The following AXDND1 variants were observed in gnomAD, a reference collection of about 807,000 sequenced individuals.
The protein encoded by AXDND1 is axonemal dynein light chain domain-containing protein 1.
Under a neutral mutation model 137.5 loss-of-function variants are expected in AXDND1, and 110 were observed. The ratio of observed to expected loss-of-function variants is 0.80; its 90% CI spans 0.69 to 0.94. The LOEUF is 0.94. Ranked by LOEUF, AXDND1 falls within the 40% of genes least tolerant of loss-of-function variation. AXDND1 has a pLI of 0.00. For synonymous variants in AXDND1, 414 were observed against 399.7 expected (o/e 1.04, Z -0.43); for missense variants, 1,191 against 1,169.8 (o/e 1.02, Z -0.26).
At chr1:179,502,808 C>T (rs967053366) in intron 20 of AXDND1, among the ~76,000 whole-genome samples, 8 of 151,194 alleles carry the variant, frequency 5.3e-5, no homozygotes, top group Middle Eastern at 3.4e-3. Context: ...TACATAAGAA[C>T]ATTCTGGCCA....
intron 14 of AXDND1, among the ~76,000 whole-genome samples, chr1:179,431,141 T>C (rs1379083747): frequency 6.6e-6 from 1 of 152,048 alleles, no homozygotes; most frequent in East Asian, 1.9e-4. Flanking sequence ...TTTTTTTAAA[T>C]TTAATTTTAT....
intron 16 of AXDND1, among the ~76,000 whole-genome samples, chr1:179,461,803 C>T (rs1481231576): frequency 3.3e-5 from 5 of 152,128 alleles, no homozygotes; most frequent in Admixed American, 2.6e-4. Flanking sequence ...ACTTTATTCT[C>T]TTTGAAGCAA....
chr1:179,430,678 T>C, intron 14 of AXDND1, 72 bp downstream of exon 14: 1 of 1,476,536 alleles, frequency 6.8e-7, no homozygotes, highest in Non-Finnish European at 9.2e-7. Context: ...TCTGTGTTCC[T>C]CCTTCTGTCT....
At chr1:179,504,849 C>T (rs921822852) in intron 20 of AXDND1, among the ~76,000 whole-genome samples, 2 of 152,148 alleles carry the variant, frequency 1.3e-5, no homozygotes, top group Non-Finnish European at 2.9e-5. Flanking sequence ...AATCTGCTCT[C>T]ACACCAGAGG....
intron 25 of AXDND1, chr1:179,552,758 C>T: frequency 9.1e-7 from 1 of 1,093,958 alleles, no homozygotes; most frequent in Non-Finnish European, 1.4e-6. Flanking sequence ...GACTTGCAAG[C>T]CTCTCTACTG....
intron 21 of AXDND1, among the ~76,000 whole-genome samples, chr1:179,517,718 A>C (rs1003801029): frequency 2.0e-5 from 3 of 152,202 alleles, no homozygotes; most frequent in Non-Finnish European, 2.9e-5. Flanking sequence ...CCAGACCTTC[A>C]GTTTCCCCAG....
chr1:179,398,692 T>C (rs946884702), intron 11 of AXDND1, among the ~76,000 whole-genome samples: 12 of 152,154 alleles, frequency 7.9e-5, no homozygotes, highest in African/African-American at 2.9e-4. Flanking sequence ...GTGCATTCTC[T>C]GTGAGCTGCA....
rs764132304 is a variant in AXDND1, at chr1:179,385,247, C to G, written c.751C>G (p.Leu251Val). The stretch of plus-strand genomic sequence containing the variant: ...ACTTACCTTCTGACAGATGCACAAA[C>G]TACTACATATATTGAAGAAGGAACA... ...EYTGPTKMHK[L>V]LHILKKEQTI... The change falls in exon 9 of 26, where the codon CTA (leucine) becomes GTA (valine). Residue 251 changes from leucine to valine, a missense_variant. Physicochemically the swap from Leu to Val is conservative, Grantham distance 32 (BLOSUM62 1). Coordinates refer to ENST00000367618, the MANE Select transcript of AXDND1 (RefSeq NM_144696.6). The G allele has an allele frequency of 6.8e-6, 11 of 1,609,530 alleles. No homozygotes were observed. In the Admixed American group the frequency reaches 1.0e-4, roughly 15 times the overall value.
rs1348616552 is a variant in AXDND1 at position 179,442,708 on chromosome 1, C to T, written c.1564-2262C>T. ...AGGGCACTGACCTTACATCCGCTGCCGGCAGACTCATCCCGGGGTCACTGT... is the reference window on the plus strand; with the variant it reads ...AGGGCACTGACCTTACATCCGCTGCTGGCAGACTCATCCCGGGGTCACTGT... On this transcript the variant is annotated intron_variant, in intron 15 of 25. Transcript: ENST00000367618. Among the ~76,000 whole-genome samples, 6 of 152,228 alleles carry T rather than the reference C, an allele frequency of 3.9e-5. No individual in the cohort carries two copies. In the East Asian group the frequency reaches 5.8e-4, roughly 15 times the overall value.
intron 20 of AXDND1, among the ~76,000 whole-genome samples, chr1:179,501,766 A>G (rs1488637747): frequency 1.3e-5 from 2 of 152,134 alleles, no homozygotes; most frequent in Non-Finnish European, 2.9e-5. Context: ...AATATTGGCT[A>G]TCTATATAGG....
intron 16 of AXDND1, among the ~76,000 whole-genome samples, chr1:179,466,288 T>TTTTC (rs1170550166): frequency 1.4e-5 from 2 of 141,764 alleles, no homozygotes; most frequent in East Asian, 4.0e-4. Context: ...TCTTCTTCTT[T>TTTTC]TTTTTTTTTT....
At chr1:179,414,082 A>G (rs999450213) in intron 12 of AXDND1, among the ~76,000 whole-genome samples, 1 of 152,118 alleles carries the variant, frequency 6.6e-6, no homozygotes, top group Admixed American at 6.6e-5. Context: ...TAAATATACA[A>G]TTTTTTAACA....
intron 16 of AXDND1, chr1:179,447,649 G>C (rs975002458): frequency 3.0e-6 from 4 of 1,322,556 alleles, no homozygotes; most frequent in African/African-American, 2.9e-5. Context: ...TCGAAGATCT[G>C]GTTTTCCACT....
intron 9 of AXDND1, among the ~76,000 whole-genome samples, chr1:179,387,585 T>G (rs993968582): frequency 6.6e-6 from 1 of 152,226 alleles, no homozygotes; most frequent in Non-Finnish European, 1.5e-5. Flanking sequence ...ATGCCTTATT[T>G]GGATGCTGTA....
At chr1:179,502,081 A>G (rs1430433268) in intron 20 of AXDND1, among the ~76,000 whole-genome samples, 1 of 152,226 alleles carries the variant, frequency 6.6e-6, no homozygotes, top group Non-Finnish European at 1.5e-5. Flanking sequence ...CCAGAATAGA[A>G]AATGACCTTC....
At chr1:179,483,052 T>A (rs1665613556) in intron 17 of AXDND1, 76 bp from the exon 18 acceptor site, 1 of 980,484 alleles carries the variant, frequency 1.0e-6, no homozygotes, top group African/African-American at 1.7e-5. Flanking sequence ...CAAATAAAAC[T>A]CTTTCTCATA....
At chr1:179,401,640 T>C (rs1282772155) in intron 11 of AXDND1, among the ~76,000 whole-genome samples, 1 of 152,140 alleles carries the variant, frequency 6.6e-6, no homozygotes, top group Admixed American at 6.5e-5. Flanking sequence ...TCCCACGTGT[T>C]GTGGGAGGGA....
In AXDND1 at chr1:179,528,887, C is replaced by T. The variant is rs74134450; in HGVS notation, c.2715+456C>T. On this transcript the variant is annotated intron_variant, in intron 23 of 25. Transcript: ENST00000367618. ...GACTGCAGACGCGAGCTATTGCGCCCGGCCTAAACCCCATTTTAACATCAG... is the reference window on the plus strand; with the variant it reads ...GACTGCAGACGCGAGCTATTGCGCCTGGCCTAAACCCCATTTTAACATCAG... 8.9e-3 allele frequency among the ~76,000 whole-genome samples: 1,350 copies of T among 152,190 alleles called. 25 individuals carry two copies. The highest frequency in any genetic ancestry group is 0.03 in the African/African-American group (1,260 of 41,510).
intron 6 of AXDND1, among the ~76,000 whole-genome samples, chr1:179,382,265 G>C (rs956067683): frequency 6.6e-6 from 1 of 151,650 alleles, no homozygotes; most frequent in Non-Finnish European, 1.5e-5. Flanking sequence ...ATTTTTAGTA[G>C]AGACGGGGCT....
Sources: allele counts gnomAD v4.1 joint callset (sites outside exome capture counted in the v4.1 genomes callset), GRCh38; gene constraint gnomAD v4.1.1; transcripts MANE v1.5; gene names NCBI Gene and HGNC (gene_info 2026-07-23, HGNC 2026-07-21).